The following SAMD12 variants were observed in gnomAD, a reference collection of about 807,000 sequenced individuals.
SAMD12 encodes the protein sterile alpha motif domain containing 12.
Under a neutral mutation model 15.0 loss-of-function variants are expected in SAMD12, and 9 were observed. The ratio of observed to expected loss-of-function variants is 0.60; its 90% confidence interval spans 0.36 to 1.05. The LOEUF (loss-of-function observed/expected upper bound fraction) is 1.05, where lower values mean the gene tolerates loss of function less well. SAMD12 is among the 50% of genes least tolerant of loss of function. The pLI is 0.01. For missense variants in SAMD12, 230 were observed against 234.2 expected, an observed-to-expected ratio of 0.98 and a Z score of 0.12; for synonymous variants, 86 against 90.1, an observed-to-expected ratio of 0.96 and a Z score of 0.25.
At chr8:118,272,481 T>C (rs964189588) in intron 4 of SAMD12, among the ~76,000 whole-genome samples, 14 of 152,308 alleles carry the variant, frequency 9.2e-5, no homozygotes, top group Admixed American at 7.8e-4. Context: ...ATTGTCTGGG[T>C]GATTAACATT....
intron 2 of SAMD12, among the ~76,000 whole-genome samples, chr8:118,459,663 C>A (rs1260535751): frequency 6.6e-6 from 1 of 152,026 alleles, no homozygotes. Flanking sequence ...TAGTAAGTGG[C>A]CCCTACTAAC....
chr8:118,310,599 G>A (rs1322489026), intron 4 of SAMD12, among the ~76,000 whole-genome samples: 1 of 152,172 alleles, frequency 6.6e-6, no homozygotes, highest in Non-Finnish European at 1.5e-5. Flanking sequence ...TCACTGCTAA[G>A]GTGGGTATGC....
At position 118,201,784 on chromosome 8, in the gene SAMD12, T is replaced by C. The variant is rs191234681; in HGVS notation, c.434-4052A>G. On this transcript the variant is annotated intron_variant, in intron 4 of 4. Transcript: ENST00000409003. The stretch of plus-strand genomic sequence containing the variant: ...AGATGTACATCCTGGGGGCTGTCCA[T>C]GTATGGATTTTGCAGCTAACAAATA... Among the ~76,000 whole-genome samples, 247 of 152,372 alleles carry C rather than the reference T, an allele frequency of 1.6e-3. 1 individual carries two copies. The highest frequency in any genetic ancestry group is 4.8e-3 in the Admixed American group (74 of 15,310).
chr8:118,304,214 T>C (rs1275922906), intron 4 of SAMD12, among the ~76,000 whole-genome samples: 7 of 152,240 alleles, frequency 4.6e-5, no homozygotes, highest in African/African-American at 1.2e-4. Flanking sequence ...CACTAAGTTA[T>C]GCTTATGCTT....
At position 118,492,120 on chromosome 8, in the gene SAMD12, GC is replaced by G. The variant is rs376023577; in HGVS notation, c.193-52160del. Among the ~76,000 whole-genome samples, 517 of 119,464 alleles carry G rather than the reference GC, an allele frequency of 4.3e-3. 5 individuals are homozygous for G. Among genetic ancestry groups the G allele is most frequent in the Non-Finnish European group, 6.3e-3 (380 of 60,596 alleles). The allele number at this position is 119,464 out of a possible 152,430, so 78.4% of individuals were successfully genotyped here. A position where few individuals can be genotyped will look rare whatever the true frequency, so the allele number is the denominator to read the frequency against. ...GCTCCACATCACTGATACTGGTGTT[GC>G]CTTTTTTTTTTTTTTTTTAAGTTTT... On this transcript the variant is annotated intron_variant, in intron 2 of 3. Transcript: ENST00000314727.
intron 4 of SAMD12, among the ~76,000 whole-genome samples, chr8:118,257,350 G>GGGT (rs1302227809): frequency 1.1e-4 from 17 of 152,116 alleles, no homozygotes; most frequent in Non-Finnish European, 2.2e-4. Context: ...TGACCTATCT[G>GGGT]AAATGCTGAG....
chr8:118,607,258 G>A (rs115668251), intron 1 of SAMD12, among the ~76,000 whole-genome samples: 2,930 of 151,334 alleles, frequency 0.019, 79 homozygotes, highest in African/African-American at 0.065. Flanking sequence ...TTCTTGAGAC[G>A]GAATTTCACT....
chr8:118,273,584 G>C (rs1813413434), intron 4 of SAMD12, among the ~76,000 whole-genome samples: 1 of 152,178 alleles, frequency 6.6e-6, no homozygotes, highest in Admixed American at 6.6e-5. Flanking sequence ...ATGGGGGAAG[G>C]TACAGCTCAG....
chr8:118,272,573 G>A (rs55969036), intron 4 of SAMD12, among the ~76,000 whole-genome samples: 7,500 of 152,182 alleles, frequency 0.049, 583 homozygotes, highest in African/African-American at 0.16. Flanking sequence ...CTGTTGCATC[G>A]TCATGCTGCA....
intron 4 of SAMD12, among the ~76,000 whole-genome samples, chr8:118,348,998 C>G (rs1035004284): frequency 7.2e-5 from 11 of 152,206 alleles, no homozygotes; most frequent in South Asian, 6.2e-4. Context: ...CAGAAGTGAT[C>G]TGCTTTTGAC....
chr8:118,282,683 T>G (rs1813710737), intron 4 of SAMD12, among the ~76,000 whole-genome samples: 1 of 152,170 alleles, frequency 6.6e-6, no homozygotes, highest in Non-Finnish European at 1.5e-5. Flanking sequence ...TACAGATGCT[T>G]AAGTTGATAC....
intron 2 of SAMD12, among the ~76,000 whole-genome samples, chr8:118,553,498 G>C (rs1467185918): frequency 6.6e-6 from 1 of 152,118 alleles, no homozygotes; most frequent in African/African-American, 2.4e-5. Flanking sequence ...GCTGAAACTG[G>C]ATCCCTTCCT....
At chr8:118,154,283 G>T in the SAMD12 span, among the ~76,000 whole-genome samples, 3 of 151,984 alleles carry the variant, frequency 2.0e-5, no homozygotes, top group African/African-American at 7.3e-5. Context: ...TCATCACACT[G>T]GGCTACCTAT....
At chr8:118,306,741 T>C (rs1815369790) in intron 4 of SAMD12, among the ~76,000 whole-genome samples, 1 of 152,194 alleles carries the variant, frequency 6.6e-6, no homozygotes, top group Non-Finnish European at 1.5e-5. Flanking sequence ...TCCTAACCGA[T>C]TCAGGATCCA....
At chr8:118,377,579 C>G (rs16890916), downstream of SAMD12, among the ~76,000 whole-genome samples, 7,491 of 152,212 alleles carry the variant, frequency 0.049, 595 homozygotes, top group African/African-American at 0.17. Flanking sequence ...CAACTGAATT[C>G]AAAGGACTGA....
intron 2 of SAMD12, among the ~76,000 whole-genome samples, chr8:118,520,514 A>C (rs576279163): frequency 5.9e-5 from 9 of 152,344 alleles, no homozygotes; most frequent in Non-Finnish European, 1.3e-4. Context: ...TGCTCAGTGG[A>C]ATATAGATGC....
intron 4 of SAMD12, among the ~76,000 whole-genome samples, chr8:118,283,132 T>A (rs532166993): frequency 1.1e-4 from 16 of 151,998 alleles, no homozygotes; most frequent in South Asian, 6.2e-4. Flanking sequence ...TTTATTTTTT[T>A]AATTTTTTTT....
chr8:118,156,483 C>T, the SAMD12 span, among the ~76,000 whole-genome samples: 1 of 152,138 alleles, frequency 6.6e-6, no homozygotes, highest in Non-Finnish European at 1.5e-5. Flanking sequence ...TGGGCCAGAT[C>T]CTGCATGTTT....
chr8:118,375,113 A>G (rs1819316579), downstream of SAMD12, among the ~76,000 whole-genome samples: 2 of 152,140 alleles, frequency 1.3e-5, no homozygotes, highest in Admixed American at 1.3e-4. Context: ...GGTCCTTTAC[A>G]GAAAAGGTTT....
Sources: gnomAD v4.1 joint callset for allele counts (sites outside exome capture counted in the v4.1 genomes callset) on GRCh38, gnomAD v4.1.1 for gene constraint, MANE v1.5 for transcripts, NCBI Gene and HGNC (gene_info 2026-07-23, HGNC 2026-07-21) for gene names.